Variants in CCND3 observed in about 807,000 individuals in gnomAD.
CCND3 encodes the protein cyclin D3, also known as G1/S-specific cyclin-D3.
A neutral mutation model predicts 28.7 loss-of-function variants in CCND3; 9 were observed. That is an observed-to-expected ratio of 0.31 (90% CI 0.19 to 0.55). The LOEUF is 0.55. Among genes scored for constraint, CCND3 ranks in the 20% least tolerant of loss-of-function variants. The pLI, the probability that CCND3 is intolerant of heterozygous loss-of-function variation, is 0.93. For synonymous variants in CCND3, 164 were observed against 163.9 expected (o/e 1.00, Z 0.00); for missense variants, 315 against 385.8 (o/e 0.82, Z 1.54).
chr6:41,977,912 G>A (rs558124909), intron 1 of CCND3, among the ~76,000 whole-genome samples: 28 of 152,156 alleles, frequency 1.8e-4, no homozygotes, highest in African/African-American at 6.7e-4. Flanking sequence ...AAGATTAGCT[G>A]GGCATGGCAG....
intron 1 of CCND3, among the ~76,000 whole-genome samples, chr6:41,959,488 T>A (rs144178642): frequency 4.0e-5 from 6 of 150,632 alleles, no homozygotes; most frequent in Non-Finnish European, 8.9e-5. Flanking sequence ...ATTGAGACCA[T>A]CCTGGCCAAC....
intron 1 of CCND3, among the ~76,000 whole-genome samples, chr6:42,022,722 G>A (rs1057513550): frequency 6.6e-6 from 1 of 152,226 alleles, no homozygotes. Context: ...GCGTGGGTCT[G>A]GCTCGCAAGG....
chr6:42,006,981 T>A (rs1447932511), intron 1 of CCND3, among the ~76,000 whole-genome samples: 6 of 151,876 alleles, frequency 4.0e-5, no homozygotes, highest in Admixed American at 3.9e-4. Context: ...ATGAGATTTG[T>A]TAGAGGGATG....
Position 42,048,938 on chromosome 6 carries a change from C to T in CCND3, c.-483G>A, listed in dbSNP as rs1008466228. On this transcript the variant is annotated 5_prime_UTR_variant, in exon 1 of 5. Transcript: ENST00000372988. This position sits in a 1 kb window ranked among gnomAD's most constrained non-coding sequence, Gnocchi z 4.7. Reference sequence around the variant, plus strand: ...GGAGGCTCAGGTGTGGGCGGCGGGGCCGGGGCAGCACGGGTTCCCGGACCG... The same window carrying T: ...GGAGGCTCAGGTGTGGGCGGCGGGGTCGGGGCAGCACGGGTTCCCGGACCG... The T allele has an allele frequency of 1.8e-5, 4 of 226,614 alleles. No homozygotes were observed. The highest frequency in any genetic ancestry group is 7.2e-5 in the African/African-American group (3 of 41,770). 14.0% of individuals were successfully genotyped at this position (226,614 alleles called of 1,614,324 possible). A position where few individuals can be genotyped will look rare whatever the true frequency, so the allele number is the denominator to read the frequency against.
intron 1 of CCND3, among the ~76,000 whole-genome samples, chr6:41,992,986 G>C (rs979074526): frequency 1.3e-5 from 2 of 152,106 alleles, no homozygotes; most frequent in Non-Finnish European, 2.9e-5. Flanking sequence ...ATAGCTCTCT[G>C]TAGCCTTGAA....
chr6:41,998,880 T>C (rs1298354373), intron 1 of CCND3, among the ~76,000 whole-genome samples: 2 of 151,734 alleles, frequency 1.3e-5, no homozygotes, highest in African/African-American at 4.8e-5. Context: ...AGTTTCTCCA[T>C]GTTGGTCAGG....
intron 1 of CCND3, chr6:42,011,023 T>A (rs1763331356): frequency 6.6e-6 from 1 of 152,050 alleles, no homozygotes; most frequent in Non-Finnish European, 1.5e-5. Flanking sequence ...TTCACAAGGA[T>A]CCAATGAAGG....
chr6:42,039,671 TG>T (rs1405613441), intron 1 of CCND3, among the ~76,000 whole-genome samples: 1 of 152,238 alleles, frequency 6.6e-6, no homozygotes, highest in African/African-American at 2.4e-5. Context: ...TTGCCGCAGT[TG>T]GGGTGGCTGT....
chr6:42,024,990 G>A (rs150294839), intron 1 of CCND3, among the ~76,000 whole-genome samples: 270 of 152,254 alleles, frequency 1.8e-3, no homozygotes, highest in African/African-American at 6.3e-3. Flanking sequence ...CCCAGGAGGT[G>A]GAGGTTGCAG....
At chr6:42,032,056 G>T (rs1764061932) in intron 1 of CCND3, among the ~76,000 whole-genome samples, 2 of 151,836 alleles carry the variant, frequency 1.3e-5, no homozygotes, top group African/African-American at 2.4e-5. Flanking sequence ...CTCCCAAAGT[G>T]CTGGGATTAC....
intron 1 of CCND3, among the ~76,000 whole-genome samples, chr6:41,975,737 CTT>C (rs1318433808): frequency 2.4e-4 from 32 of 135,570 alleles, no homozygotes; most frequent in Admixed American, 4.4e-4. Context: ...GCTTGCTTGA[CTT>C]TTTTTTTTTT....
chr6:41,970,209 C>T (rs990687224), intron 1 of CCND3, among the ~76,000 whole-genome samples: 2 of 151,782 alleles, frequency 1.3e-5, no homozygotes, highest in South Asian at 2.1e-4. Context: ...CGTGGTGGCA[C>T]GTGCCTGTAG....
intron 1 of CCND3, among the ~76,000 whole-genome samples, chr6:42,029,030 G>A (rs1214184916): frequency 6.7e-6 from 1 of 148,186 alleles, no homozygotes; most frequent in Non-Finnish European, 1.5e-5. Flanking sequence ...CTGTAGGATT[G>A]CAGTGGCATG....
chr6:41,936,008 G>C lies in CCND3; in HGVS notation c.811C>G (p.Arg271Gly), dbSNP rs200046302. 6.2e-7 allele frequency: 1 copy of C among 1,612,938 alleles called. No homozygotes were observed. The highest frequency in any genetic ancestry group is 8.5e-7 in the Non-Finnish European group (1 of 1,179,472). ...CTGGGCCCTTGGCTGCTGGAGCCCC[G>C]GGGGGCTTTGGGCGCTGGGCTGGAG... ...TSSSPAPKAP[R>G]GSSSQGPSQT... Residue 271 changes from arginine (R) to glycine (G), a missense_variant, in exon 5 of 5, where the codon CGG (arginine) becomes GGG (glycine). Arg to Gly is a moderately radical substitution (Grantham distance 125, BLOSUM62 -2). Coordinates refer to ENST00000372991, the MANE Select transcript of CCND3 (RefSeq NM_001760.5). This position sits in a 1 kb window ranked among gnomAD's most constrained non-coding sequence, Gnocchi z 4.4.
chr6:42,021,166 CTGTTT>C (rs1424415355), intron 1 of CCND3, among the ~76,000 whole-genome samples: 19 of 152,142 alleles, frequency 1.2e-4, no homozygotes, highest in East Asian at 7.7e-4. Flanking sequence ...TATAACTGTT[CTGTTT>C]TATTATTAGT....
At chr6:41,998,571 G>A (rs910611926) in intron 1 of CCND3, among the ~76,000 whole-genome samples, 14 of 151,666 alleles carry the variant, frequency 9.2e-5, no homozygotes, top group Non-Finnish European at 1.5e-4. Context: ...CAGGTGATCC[G>A]CCTGCCTCGG....
intron 1 of CCND3, among the ~76,000 whole-genome samples, chr6:42,001,006 C>T (rs540289723): frequency 5.3e-5 from 8 of 151,660 alleles, no homozygotes; most frequent in South Asian, 2.1e-4. Flanking sequence ...GAGGCCGAGG[C>T]GGGCAGATCA....
chr6:41,940,262 C>T, intron 2 of CCND3, 108 bp downstream of exon 2: 1 of 979,870 alleles, frequency 1.0e-6, no homozygotes, highest in South Asian at 1.3e-5. Flanking sequence ...GTCCTGATCC[C>T]CTTGCTTCCT....
At chr6:41,995,337 C>T (rs1228041429) in intron 1 of CCND3, among the ~76,000 whole-genome samples, 1 of 151,910 alleles carries the variant, frequency 6.6e-6, no homozygotes, top group Non-Finnish European at 1.5e-5. Flanking sequence ...AGCGCGCTGC[C>T]ACCTCCACCT....
Sources: allele counts gnomAD v4.1 joint callset (sites outside exome capture counted in the v4.1 genomes callset), GRCh38; gene constraint gnomAD v4.1.1; non-coding constraint Gnocchi (gnomAD v3.1); transcripts MANE v1.5; gene names NCBI Gene and HGNC (gene_info 2026-07-23, HGNC 2026-07-21).